Variants in DDX1 observed in about 807,000 individuals in gnomAD.
DDX1 encodes the protein DEAD-box helicase 1.
Under a neutral mutation model 108.7 loss-of-function variants are expected in DDX1, and 28 were observed. The ratio of observed to expected loss-of-function variants is 0.26; its 90% CI spans 0.19 to 0.35. The LOEUF is 0.35. Among genes scored for constraint, DDX1 ranks in the 10% least tolerant of loss-of-function variants. DDX1 has a pLI of 1.00. For synonymous variants in DDX1, 295 were observed against 288.9 expected, an observed-to-expected ratio of 1.02 and a Z score of -0.21; for missense variants, 710 against 884.5, an observed-to-expected ratio of 0.80 and a Z score of 2.50.
In DDX1 at chr2:15,617,240, T is replaced by C. The variant is rs746889596; in HGVS notation, c.1018-4T>C. ...CATTAAGTGGTTGGTTTGCTTTTTT[T>C]CAGGTAGATATAGTTGTAGGTACTC... On this transcript the variant is annotated splice_polypyrimidine_tract_variant and splice_region_variant and intron_variant, in intron 14 of 25. Transcript: ENST00000233084. 1.3e-6 allele frequency: 2 copies of C among 1,535,362 alleles called. No homozygotes were observed. The highest frequency in any genetic ancestry group is 1.8e-6 in the Non-Finnish European group (2 of 1,130,672).
intron 12 of DDX1, among the ~76,000 whole-genome samples, chr2:15,606,482 C>T (rs550557470): frequency 1.2e-4 from 18 of 152,264 alleles, no homozygotes; most frequent in African/African-American, 3.6e-4. Flanking sequence ...GCAATCATAA[C>T]GGTAATGATA....
intron 1 of DDX1, among the ~76,000 whole-genome samples, chr2:15,593,101 A>G (rs1221728671): frequency 6.6e-6 from 1 of 152,070 alleles, no homozygotes; most frequent in Non-Finnish European, 1.5e-5. Flanking sequence ...TTGTATTATT[A>G]GTAGAGACGG....
intron 4 of DDX1, 109 bp from the exon 5 acceptor site, chr2:15,597,266 A>G: frequency 4.3e-6 from 3 of 698,696 alleles, no homozygotes; most frequent in Non-Finnish European, 7.3e-6. Flanking sequence ...GCAATCTGGA[A>G]TATGTATGAT....
intron 10 of DDX1, among the ~76,000 whole-genome samples, chr2:15,605,071 A>G (rs1665642207): frequency 6.6e-6 from 1 of 152,188 alleles, no homozygotes; most frequent in Admixed American, 6.5e-5. Context: ...CAGGCCATGG[A>G]GAGCCATATG....
At chr2:15,609,161 C>T (rs1209935715) in intron 13 of DDX1, among the ~76,000 whole-genome samples, 1 of 152,072 alleles carries the variant, frequency 6.6e-6, no homozygotes, top group Non-Finnish European at 1.5e-5. Context: ...TCAGGGACGT[C>T]TTTATAAAAG....
intron 19 of DDX1, among the ~76,000 whole-genome samples, chr2:15,626,103 CA>C (rs1666097632): frequency 6.6e-6 from 1 of 152,008 alleles, no homozygotes; most frequent in South Asian, 2.1e-4. Flanking sequence ...GCCTAGAAAA[CA>C]AGTTTATTAC....
chr2:15,599,637 G>T lies in DDX1; in HGVS notation c.260-32G>T, dbSNP rs1476212162. On this transcript the variant is annotated intron_variant, in intron 5 of 25. Coordinates refer to ENST00000233084, the MANE Select transcript of DDX1 (RefSeq NM_004939.3). The stretch of plus-strand genomic sequence containing the variant: ...CAAGCATTTTAAATTTTATATATCT[G>T]TGGGTAACTTTTCTTATTTTAATTT... 4 of 1,558,674 alleles carry T rather than the reference G, an allele frequency of 2.6e-6. No homozygotes were observed. The Admixed American group carries it at 7.3e-5, about 28-fold the overall frequency.
intron 5 of DDX1, chr2:15,599,269 GT>G (rs5829516): frequency 0.17 from 24,559 of 147,330 alleles, 2,164 homozygotes; most frequent in East Asian, 0.38. Flanking sequence ...TAAAATACTT[GT>G]TTTTTTTTTT....
intron 20 of DDX1, among the ~76,000 whole-genome samples, chr2:15,627,759 G>A (rs1201696639): frequency 6.6e-6 from 1 of 152,188 alleles, no homozygotes; most frequent in Non-Finnish European, 1.5e-5. Context: ...AAGATGGGAA[G>A]TATTGGGTTG....
intron 20 of DDX1, 176 bp downstream of exon 20, chr2:15,627,321 G>T: frequency 2.2e-6 from 1 of 459,874 alleles, no homozygotes; most frequent in Non-Finnish European, 3.9e-6. Context: ...ACACTCAAAT[G>T]GTAAATTATA....
At chr2:15,600,841 C>A (rs1326046582) in intron 6 of DDX1, among the ~76,000 whole-genome samples, 2 of 142,822 alleles carry the variant, frequency 1.4e-5, no homozygotes, top group African/African-American at 2.6e-5. Flanking sequence ...CTCCACCTCA[C>A]GGGTTCTTAT....
At chr2:15,603,087 A>G in intron 7 of DDX1, 105 bp from the exon 8 acceptor site, 1 of 724,364 alleles carries the variant, frequency 1.4e-6, no homozygotes, top group South Asian at 1.9e-5. Context: ...ATAATTCTTC[A>G]TTTGGTACAT....
intron 14 of DDX1, among the ~76,000 whole-genome samples, chr2:15,615,630 T>C (rs1665881629): frequency 6.6e-6 from 1 of 152,224 alleles, no homozygotes; most frequent in Non-Finnish European, 1.5e-5. Context: ...GTGCCTCATA[T>C]TGGATCAAGT....
At chr2:15,600,518 ACTGC>A (rs879475785) in intron 6 of DDX1, among the ~76,000 whole-genome samples, 7 of 152,092 alleles carry the variant, frequency 4.6e-5, no homozygotes, top group Non-Finnish European at 1.0e-4. Flanking sequence ...CCCCACATTT[ACTGC>A]CTTCTTGGAG....
chr2:15,599,587 A>T, intron 5 of DDX1, 82 bp from the exon 6 acceptor site: 2 of 1,036,976 alleles, frequency 1.9e-6, no homozygotes, highest in Non-Finnish European at 2.9e-6. Flanking sequence ...TGCTGAGATT[A>T]CAGTCGTGAG....
At position 15,595,764 on chromosome 2, in the gene DDX1, G is replaced by A. The variant is rs540916906; in HGVS notation, c.132+211G>A. ...TAAGACATGTATAAGAATGAATCTC[G>A]TATCAGAGAGAATGTGGCTTCTTCG... On this transcript the variant is annotated intron_variant, in intron 3 of 25. Transcript: ENST00000233084. Among the ~76,000 whole-genome samples, 11 of 152,282 alleles carry A rather than the reference G, an allele frequency of 7.2e-5. No homozygotes were observed. In the East Asian group the frequency reaches 1.2e-3, roughly 16 times the overall value.
chr2:15,610,749 T>TA (rs905082555), intron 13 of DDX1, among the ~76,000 whole-genome samples: 2 of 152,234 alleles, frequency 1.3e-5, no homozygotes, highest in African/African-American at 4.8e-5. Context: ...TAGATGAGAA[T>TA]AATTTTTTCC....
rs946814111 is a variant in DDX1 at position 15,595,189 on chromosome 2, G to C, written c.61G>C (p.Asp21His). The C allele has an allele frequency of 6.2e-7, 1 of 1,610,290 alleles. No individual in the cohort carries two copies. Among genetic ancestry groups the C allele is most frequent in the African/African-American group, 1.3e-5 (1 of 74,928 alleles). ...GATTGCACAAGCTGTGGAAGAGATG[G>C]ATTGGCTGTAAGTACATAAAGCCTA... ...PEIAQAVEEM[D>H]WLLPTDIQAE... The change falls in exon 2 of 26, where the codon GAT (aspartate) becomes CAT (histidine). Residue 21 changes from aspartate (D) to histidine (H), a missense_variant. Asp to His is a moderately conservative substitution (Grantham distance 81, BLOSUM62 -1). This residue lies in a region of DDX1 where 48 missense variants were observed against 57.5 expected (regional missense o/e 0.83). Transcript: ENST00000233084.
chr2:15,595,234 G>A, intron 2 of DDX1, 38 bp downstream of exon 2: 1 of 1,501,308 alleles, frequency 6.7e-7, no homozygotes, highest in Non-Finnish European at 9.1e-7. Flanking sequence ...GGGAGAGGAT[G>A]TTTTATAATT....
Sources: gnomAD v4.1 joint callset for allele counts (sites outside exome capture counted in the v4.1 genomes callset) on GRCh38, gnomAD v4.1.1 for gene constraint, gnomAD v4.1.1 regional missense constraint, MANE v1.5 for transcripts, NCBI Gene and HGNC (gene_info 2026-07-23, HGNC 2026-07-21) for gene names.